AKR1E2: variants seen among roughly 807,000 people sequenced by gnomAD.
The protein encoded by AKR1E2 is aldo-keto reductase family 1 member E2.
Under a neutral mutation model 41.9 loss-of-function variants are expected in AKR1E2, and 43 were observed. The observed-to-expected ratio is 1.03, with a 90% CI of 0.80 to 1.32. AKR1E2 has a LOEUF of 1.32. AKR1E2 is among the 40% of genes most tolerant of loss of function. AKR1E2 has a pLI of 0.00. For synonymous variants in AKR1E2, 121 were observed against 138.9 expected (o/e 0.87, Z 0.91); for missense variants, 423 against 396.5 (o/e 1.07, Z -0.57).
the AKR1E2 span, among the ~76,000 whole-genome samples, chr10:4,857,494 A>T: frequency 6.6e-6 from 1 of 152,034 alleles, no homozygotes; most frequent in African/African-American, 2.4e-5. Context: ...AGTTTCCTGA[A>T]GCTTCCCCAG....
the AKR1E2 span, among the ~76,000 whole-genome samples, chr10:4,865,406 G>T: frequency 6.6e-6 from 1 of 152,060 alleles, no homozygotes; most frequent in African/African-American, 2.4e-5. Flanking sequence ...TAGAAGACAG[G>T]TAGAAGTCAA....
intron 5 of AKR1E2, among the ~76,000 whole-genome samples, chr10:4,839,248 T>C (rs760686796): frequency 3.3e-5 from 5 of 152,246 alleles, no homozygotes; most frequent in Non-Finnish European, 5.9e-5. Context: ...ACTTCCTACA[T>C]GTCTAGATTG....
chr10:4,847,058 C>T (rs1588491111), intron 8 of AKR1E2, 90 bp from the exon 9 acceptor site: 1 of 1,355,670 alleles, frequency 7.4e-7, no homozygotes, highest in African/African-American at 1.5e-5. Flanking sequence ...GTGTCCCTTG[C>T]AGGTCTAGCA....
At position 4,837,483 on chromosome 10, in the gene AKR1E2, G is replaced by A. The variant is rs761782479; in HGVS notation, c.484G>A (p.Gly162Arg). 45 of 1,605,182 alleles carry A rather than the reference G, an allele frequency of 2.8e-5. No homozygotes were observed. Among genetic ancestry groups the A allele is most frequent in the East Asian group, 1.8e-4 (8 of 43,870 alleles). ...WEAMEDLVIT[G>R]LVKNIGVSNF... ...GGCCATGGAGGACCTGGTGATCACC[G>A]GGCTGGTGAAGAACATCGGGGTGTC... is the stretch of plus-strand genomic sequence containing the variant. The change falls in exon 5 of 10, where the codon GGG becomes AGG. Residue 162 changes from glycine (G) to arginine (R), a missense_variant. Transcript: ENST00000298375.
chr10:4,850,366 G>C (rs1834499245), downstream of AKR1E2, among the ~76,000 whole-genome samples: 1 of 152,212 alleles, frequency 6.6e-6, no homozygotes, highest in South Asian at 2.1e-4. Flanking sequence ...AAAATCCAAG[G>C]ATAAGTGGTA....
At chr10:4,866,776 G>A in the AKR1E2 span, among the ~76,000 whole-genome samples, 1 of 151,826 alleles carries the variant, frequency 6.6e-6, no homozygotes, top group Non-Finnish European at 1.5e-5. Context: ...AAGCCAGTGA[G>A]CCAGGAGTGC....
chr10:4,852,229 C>T (rs557883592), downstream of AKR1E2, among the ~76,000 whole-genome samples: 13 of 152,226 alleles, frequency 8.5e-5, no homozygotes, highest in East Asian at 2.5e-3. Flanking sequence ...TGATTTTAAA[C>T]AGAGGCGGTA....
chr10:4,832,322 G>A (rs548802924), intron 2 of AKR1E2, among the ~76,000 whole-genome samples: 42 of 152,298 alleles, frequency 2.8e-4, no homozygotes, highest in Non-Finnish European at 5.1e-4. Flanking sequence ...ATTGCCTTCT[G>A]TTTTACTTTA....
the AKR1E2 span, among the ~76,000 whole-genome samples, chr10:4,870,925 G>C: frequency 6.6e-6 from 1 of 151,996 alleles, no homozygotes; most frequent in South Asian, 2.1e-4. Flanking sequence ...TGGCATGAAC[G>C]TTAAGTCTTT....
chr10:4,831,270 G>A (rs2131502493), intron 2 of AKR1E2, among the ~76,000 whole-genome samples: 1 of 152,278 alleles, frequency 6.6e-6, no homozygotes, highest in Admixed American at 6.5e-5. Flanking sequence ...TTGAGCACAG[G>A]CATAAGGCAG....
rs200883605 is a variant in AKR1E2 at position 4,837,611 on chromosome 10, A to G, written c.582+30A>G. 3.2e-5 allele frequency: 51 copies of G among 1,598,282 alleles called. No individual in the cohort carries two copies. The African/African-American group carries it at 5.9e-4, about 18-fold the overall frequency. On this transcript the variant is annotated intron_variant, in intron 5 of 9. Coordinates refer to ENST00000298375, the MANE Select transcript of AKR1E2 (RefSeq NM_001040177.3). ...GCCGATGGAAGCATCAGAGAGTTTA[A>G]CCTGTGTGGCTGGTCCCCCAGCTGC...
At chr10:4,839,868 G>A (rs764425845) in intron 6 of AKR1E2, 42 bp downstream of exon 6, 1 of 1,542,128 alleles carries the variant, frequency 6.5e-7, no homozygotes, top group Non-Finnish European at 9.0e-7. Context: ...GTCCGACTGG[G>A]AAGTAGATGC....
chr10:4,853,079 C>A, the AKR1E2 span, among the ~76,000 whole-genome samples: 1 of 152,198 alleles, frequency 6.6e-6, no homozygotes, highest in South Asian at 2.1e-4. Context: ...GAGTTAGAAT[C>A]ATTTACAAAG....
rs1834449835 is a variant in AKR1E2 at position 4,848,051 on chromosome 10, CT to C, written c.*523del. The C allele has an allele frequency of 6.7e-6, 1 of 148,700 alleles. No homozygotes were observed. Among genetic ancestry groups the C allele is most frequent in the Non-Finnish European group, 1.5e-5 (1 of 67,168 alleles). 9.2% of individuals were successfully genotyped at this position (148,700 alleles called of 1,614,324 possible). On this transcript the variant is annotated 3_prime_UTR_variant, in exon 10 of 10. Coordinates refer to ENST00000298375, the MANE Select transcript of AKR1E2 (RefSeq NM_001040177.3). Reference sequence around the variant, plus strand: ...TTCAGTTCAATAAAGAGGCTTTTTTCTTCCTTAAAAATCTGAATTTTAATTT... The same window carrying C: ...TTCAGTTCAATAAAGAGGCTTTTTTCTCCTTAAAAATCTGAATTTTAATTT...
At chr10:4,866,701 C>T in the AKR1E2 span, among the ~76,000 whole-genome samples, 47 of 136,624 alleles carry the variant, frequency 3.4e-4, no homozygotes, top group Admixed American at 2.0e-3. Context: ...AGTGCAGTGG[C>T]GCCATCTCGG....
In AKR1E2 at chr10:4,838,488, G is replaced by A. The variant is rs142110674; in HGVS notation, c.582+907G>A. Among the ~76,000 whole-genome samples the A allele has an allele frequency of 3.2e-3, 493 of 152,320 alleles. 3 individuals carry two copies. Among genetic ancestry groups the A allele is most frequent in the African/African-American group, 0.012 (480 of 41,568 alleles). On this transcript the variant is annotated intron_variant, in intron 5 of 9. Transcript: ENST00000298375. ...TTCCAGTTTGGGACTATTAAGAATA[G>A]AGCATCATGTTCTATTTTTTTGAAT...
chr10:4,849,868 C>T (rs1397443897), downstream of AKR1E2, among the ~76,000 whole-genome samples: 5 of 152,172 alleles, frequency 3.3e-5, no homozygotes, highest in African/African-American at 7.2e-5. Flanking sequence ...AGTGCATCTG[C>T]GGCTCTTAAC....
At chr10:4,869,781 G>A in the AKR1E2 span, among the ~76,000 whole-genome samples, 1 of 151,958 alleles carries the variant, frequency 6.6e-6, no homozygotes, top group African/African-American at 2.4e-5. Context: ...TTAGGAGTGT[G>A]TTGTTTAATT....
chr10:4,865,566 A>G, the AKR1E2 span, among the ~76,000 whole-genome samples: 1 of 152,218 alleles, frequency 6.6e-6, no homozygotes, highest in Non-Finnish European at 1.5e-5. Context: ...AGTGAATCTG[A>G]CAATGAATTT....
Sources: allele counts gnomAD v4.1 joint callset (sites outside exome capture counted in the v4.1 genomes callset), GRCh38; gene constraint gnomAD v4.1.1; transcripts MANE v1.5; gene names NCBI Gene and HGNC (gene_info 2026-07-23, HGNC 2026-07-21).